Variants in MMP16 observed in about 807,000 individuals in gnomAD.
MMP16 encodes matrix metalloproteinase-16.
MMP16 carries 12 observed loss-of-function variants against 67.8 expected under a neutral mutation model. The observed-to-expected ratio is 0.18, with a 90% CI of 0.11 to 0.29. The LOEUF (loss-of-function observed/expected upper bound fraction) is 0.29. Among genes scored for constraint, MMP16 ranks in the 10% least tolerant of loss-of-function variants. The pLI is 1.00. For synonymous variants in MMP16, 249 were observed against 255.9 expected (o/e 0.97, Z 0.26); for missense variants, 475 against 765.7 (o/e 0.62, Z 4.48).
chr8:88,068,595 TG>T (rs1808493565), intron 7 of MMP16, among the ~76,000 whole-genome samples: 3 of 152,202 alleles, frequency 2.0e-5, no homozygotes. Context: ...TGTTTTGTTT[TG>T]TTTTTTTACA....
chr8:88,053,484 G>A (rs964025212), intron 8 of MMP16, among the ~76,000 whole-genome samples: 2 of 152,074 alleles, frequency 1.3e-5, no homozygotes, highest in African/African-American at 2.4e-5. Context: ...TTTTTACAGC[G>A]GCTCTAGAGA....
chr8:88,325,715 G>C (rs1811524918), intron 1 of MMP16, among the ~76,000 whole-genome samples: 1 of 151,998 alleles, frequency 6.6e-6, no homozygotes, highest in African/African-American at 2.4e-5. Context: ...TTTTCAAAGG[G>C]TTAAACCTTT....
At chr8:88,175,039 C>T (rs1053403119) in intron 3 of MMP16, among the ~76,000 whole-genome samples, 1 of 152,106 alleles carries the variant, frequency 6.6e-6, no homozygotes, top group African/African-American at 2.4e-5. Context: ...CAGGTGTGAG[C>T]CACTGTGCCT....
chr8:88,116,392 T>G lies in MMP16; in HGVS notation c.1083+115A>C. 7 of 896,890 alleles carry G rather than the reference T, an allele frequency of 7.8e-6. 1 individual carries two copies. The Middle Eastern group carries it at 8.3e-4, about 106-fold the overall frequency. 55.6% of individuals were successfully genotyped at this position (896,890 alleles called of 1,614,324 possible). ...ATTTTTTAAAATGCTTTTTTTGAAC[T>G]TTCTAACTGTGAGAGGGCTGGGAAG... On this transcript the variant is annotated intron_variant, in intron 6 of 9. Coordinates refer to ENST00000286614, the MANE Select transcript of MMP16 (RefSeq NM_005941.5).
intron 1 of MMP16, among the ~76,000 whole-genome samples, chr8:88,239,726 G>A (rs1193399320): frequency 6.6e-6 from 1 of 152,090 alleles, no homozygotes; most frequent in Non-Finnish European, 1.5e-5. Context: ...TAACATGAAT[G>A]CTTTTGGAGC....
chr8:88,073,525 T>G (rs775212313), intron 7 of MMP16, among the ~76,000 whole-genome samples: 1 of 152,164 alleles, frequency 6.6e-6, no homozygotes, highest in African/African-American at 2.4e-5. Flanking sequence ...GTTGGCAACA[T>G]GGCCATAAAA....
intron 1 of MMP16, among the ~76,000 whole-genome samples, chr8:88,296,139 T>G (rs1430749799): frequency 1.3e-5 from 2 of 152,202 alleles, no homozygotes; most frequent in African/African-American, 2.4e-5. Flanking sequence ...ATTTATTCAT[T>G]CATTTATTCA....
At chr8:88,170,420 G>C (rs1421500748) in intron 3 of MMP16, among the ~76,000 whole-genome samples, 1 of 152,140 alleles carries the variant, frequency 6.6e-6, no homozygotes, top group East Asian at 1.9e-4. Flanking sequence ...AGCATGAGAG[G>C]TAATGTAACA....
At position 88,139,165 on chromosome 8, in the gene MMP16, C is replaced by T. The variant is rs1222295959; in HGVS notation, c.710-20304G>A. On this transcript the variant is annotated intron_variant, in intron 4 of 9. Coordinates refer to ENST00000286614, the MANE Select transcript of MMP16 (RefSeq NM_005941.5). ...ATCTTTTTCTGTAGAAAAATTACTA[C>T]ACATTCTCATAATAAGCACATCTTC... Among the ~76,000 whole-genome samples, 7 of 152,138 alleles carry T rather than the reference C, an allele frequency of 4.6e-5. No individual in the cohort carries two copies. The South Asian group carries it at 1.2e-3, about 27-fold the overall frequency.
chr8:88,124,181 C>T (rs1807888056), intron 4 of MMP16, among the ~76,000 whole-genome samples: 1 of 151,932 alleles, frequency 6.6e-6, no homozygotes, highest in African/African-American at 2.4e-5. Flanking sequence ...CCTTTGAAGT[C>T]TTTTGTTGTA....
intron 4 of MMP16, among the ~76,000 whole-genome samples, chr8:88,146,508 G>GA (rs1364930017): frequency 1.3e-5 from 2 of 151,762 alleles, no homozygotes; most frequent in Admixed American, 6.6e-5. Flanking sequence ...TTGAACCTTA[G>GA]AAAAAATGTC....
intron 6 of MMP16, among the ~76,000 whole-genome samples, chr8:88,078,043 C>T (rs1325629382): frequency 6.6e-6 from 1 of 151,938 alleles, no homozygotes; most frequent in Non-Finnish European, 1.5e-5. Context: ...TTACCTCCTT[C>T]CTTCCTTCCT....
rs1397097159 is a variant in MMP16, at chr8:88,036,873, G to T, written c.*4588C>A. The T allele has an allele frequency of 6.6e-6, 1 of 151,542 alleles. No individual in the cohort carries two copies. The highest frequency in any genetic ancestry group is 2.4e-5 in the African/African-American group (1 of 41,330). The allele number at this position is 151,542 out of a possible 1,614,324, so 9.4% of individuals were successfully genotyped here. ...AAAAAGACCTTACCACCATCCAGAA[G>T]ATTGTTTCAGTATATACTACAATCT... On this transcript the variant is annotated 3_prime_UTR_variant, in exon 10 of 10. Transcript: ENST00000286614.
intron 1 of MMP16, among the ~76,000 whole-genome samples, chr8:88,219,195 G>A (rs1468557954): frequency 6.6e-6 from 1 of 151,946 alleles, no homozygotes; most frequent in Admixed American, 6.6e-5. Flanking sequence ...ATTAGCGACA[G>A]AATAGCCAAG....
chr8:88,236,109 G>A (rs1323092362), intron 1 of MMP16, among the ~76,000 whole-genome samples: 1 of 152,192 alleles, frequency 6.6e-6, no homozygotes, highest in Non-Finnish European at 1.5e-5. Context: ...GTTTCATAAA[G>A]TGGAAATTTG....
chr8:88,319,471 A>G (rs1256478750), intron 1 of MMP16, among the ~76,000 whole-genome samples: 1 of 152,100 alleles, frequency 6.6e-6, no homozygotes, highest in African/African-American at 2.4e-5. Context: ...GCGTGAGAAA[A>G]GGAACTGCAA....
chr8:88,039,803 T>A lies in MMP16; in HGVS notation c.*1658A>T. 6.6e-6 allele frequency: 1 copy of A among 152,634 alleles called. No individual in the cohort carries two copies. The highest frequency in any genetic ancestry group is 1.9e-4 in the East Asian group (1 of 5,194). 9.5% of individuals were successfully genotyped at this position (152,634 alleles called of 1,614,324 possible). A position where few individuals can be genotyped will look rare whatever the true frequency, so the allele number is the denominator to read the frequency against. ...ATCAATAAAGAGGTCTGTCAGTTGC[T>A]GACTTTTCTCTAGGAAAAAAATATT... On this transcript the variant is annotated 3_prime_UTR_variant, in exon 10 of 10. Coordinates refer to ENST00000286614, the MANE Select transcript of MMP16 (RefSeq NM_005941.5). The surrounding 1 kb of genome is among the most constrained non-coding windows in gnomAD (Gnocchi z 4.5).
chr8:88,186,626 A>C, intron 2 of MMP16, 28 bp from the exon 3 acceptor site: 3 of 1,450,846 alleles, frequency 2.1e-6, no homozygotes, highest in Non-Finnish European at 2.8e-6. Context: ...AAAAAAAAAA[A>C]GCAGTATTTT....
intron 4 of MMP16, among the ~76,000 whole-genome samples, chr8:88,123,835 G>A (rs1192263084): frequency 6.6e-6 from 1 of 151,762 alleles, no homozygotes; most frequent in Non-Finnish European, 1.5e-5. Flanking sequence ...ATCTCTTTCT[G>A]ACACTACTGC....
Sources: gnomAD v4.1 joint callset for allele counts (sites outside exome capture counted in the v4.1 genomes callset) on GRCh38, gnomAD v4.1.1 for gene constraint, Gnocchi (gnomAD v3.1) non-coding constraint, MANE v1.5 for transcripts, NCBI Gene and HGNC (gene_info 2026-07-23, HGNC 2026-07-21) for gene names.